Variants in STXBP5L observed in about 807,000 individuals in gnomAD.
The protein encoded by STXBP5L is syntaxin-binding protein 5-like.
STXBP5L carries 65 observed loss-of-function variants against 144.5 expected under a neutral mutation model. That is an observed-to-expected ratio of 0.45 (90% CI 0.37 to 0.55). The LOEUF is 0.55. Among genes scored for constraint, STXBP5L ranks in the 20% least tolerant of loss-of-function variants. The pLI, the probability that STXBP5L is intolerant of heterozygous loss-of-function variation, is 0.00. For synonymous variants in STXBP5L, 505 were observed against 469.6 expected, an observed-to-expected ratio of 1.08 and a Z score of -0.97; for missense variants, 1,298 against 1,405.5, an observed-to-expected ratio of 0.92 and a Z score of 1.22.
chr3:121,027,676 G>T (rs938188931), intron 3 of STXBP5L, among the ~76,000 whole-genome samples: 4 of 151,860 alleles, frequency 2.6e-5, no homozygotes, highest in African/African-American at 9.7e-5. Flanking sequence ...GACTCTTGTA[G>T]TTACGGTGAG....
rs2044166082 is a variant in STXBP5L, at chr3:121,114,923, A to C, written c.471-2A>C. The C allele has an allele frequency of 6.7e-7, 1 of 1,499,774 alleles. No individual in the cohort carries two copies. The highest frequency in any genetic ancestry group is 8.9e-7 in the Non-Finnish European group (1 of 1,126,360). The allele number at this position is 1,499,774 out of a possible 1,614,324, so 92.9% of individuals were successfully genotyped here. ...TTTTAATTATAATTTTCTTTCTTTC[A>C]GAATTACTTACTGTCATCTACCTTT... On this transcript the variant is annotated splice_acceptor_variant, in intron 5 of 26. Transcript: ENST00000471454. LOFTEE classifies it high-confidence loss of function.
chr3:121,051,062 C>T (rs1407063118), intron 5 of STXBP5L, among the ~76,000 whole-genome samples: 1 of 152,182 alleles, frequency 6.6e-6, no homozygotes, highest in Non-Finnish European at 1.5e-5. Context: ...GCACCCAATA[C>T]AGGAGCACCC....
chr3:120,960,893 A>G (rs1361319262), intron 3 of STXBP5L, among the ~76,000 whole-genome samples: 1 of 152,160 alleles, frequency 6.6e-6, no homozygotes, highest in Non-Finnish European at 1.5e-5. Flanking sequence ...CATGTACCCT[A>G]AAACTTAAAG....
At chr3:121,254,864 T>C in intron 15 of STXBP5L, 31 bp from the exon 16 acceptor site, 1 of 1,518,502 alleles carries the variant, frequency 6.6e-7, no homozygotes, top group Non-Finnish European at 8.9e-7. Context: ...AAGTTTAAAT[T>C]AGAAGATAAC....
intron 9 of STXBP5L, 35 bp downstream of exon 9, chr3:121,157,662 G>T (rs1202396699): frequency 1.3e-6 from 2 of 1,573,246 alleles, no homozygotes; most frequent in South Asian, 1.2e-5. Flanking sequence ...ATAAACACTG[G>T]CAATTCAGTG....
intron 10 of STXBP5L, among the ~76,000 whole-genome samples, chr3:121,213,845 G>T (rs1197739967): frequency 6.6e-6 from 1 of 151,994 alleles, no homozygotes; most frequent in Non-Finnish European, 1.5e-5. Flanking sequence ...TGTGGTCCTG[G>T]GCTTTTTTGG....
chr3:121,087,450 T>C (rs993384751), intron 5 of STXBP5L, among the ~76,000 whole-genome samples: 2 of 152,096 alleles, frequency 1.3e-5, no homozygotes, highest in Admixed American at 1.3e-4. Flanking sequence ...TCTCATAATT[T>C]CCTTTACTGT....
chr3:121,389,947 C>A (rs1436512310), intron 22 of STXBP5L, among the ~76,000 whole-genome samples: 1 of 152,080 alleles, frequency 6.6e-6, no homozygotes, highest in African/African-American at 2.4e-5. Context: ...TCCTTGTTAA[C>A]CTTCTGTCTC....
chr3:121,277,096 A>G (rs1410190829), intron 18 of STXBP5L, among the ~76,000 whole-genome samples: 1 of 152,052 alleles, frequency 6.6e-6, no homozygotes, highest in Non-Finnish European at 1.5e-5. Context: ...GGTAGCTTAT[A>G]AACAACAGAA....
At chr3:121,278,096 G>A (rs2050940475) in intron 18 of STXBP5L, among the ~76,000 whole-genome samples, 1 of 151,790 alleles carries the variant, frequency 6.6e-6, no homozygotes, top group Admixed American at 6.6e-5. Context: ...TCTCATCTCT[G>A]CCTCCTCAAC....
At chr3:120,950,661 A>C (rs1711160143) in intron 2 of STXBP5L, among the ~76,000 whole-genome samples, 2 of 152,196 alleles carry the variant, frequency 1.3e-5, no homozygotes, top group South Asian at 4.1e-4. Context: ...AAGAGGATAC[A>C]AACAAATGGA....
chr3:121,137,808 C>A (rs192347822), intron 7 of STXBP5L, among the ~76,000 whole-genome samples: 1 of 152,084 alleles, frequency 6.6e-6, no homozygotes, highest in Non-Finnish European at 1.5e-5. Context: ...ATTGACAAGA[C>A]CCACAGCTAA....
intron 10 of STXBP5L, among the ~76,000 whole-genome samples, chr3:121,214,431 G>A (rs1056675626): frequency 6.6e-6 from 1 of 152,074 alleles, no homozygotes; most frequent in African/African-American, 2.4e-5. Flanking sequence ...TGGTTTCAAG[G>A]AAATTATTTA....
At chr3:121,302,688 G>A (rs930490590) in intron 19 of STXBP5L, among the ~76,000 whole-genome samples, 2 of 152,118 alleles carry the variant, frequency 1.3e-5, no homozygotes, top group African/African-American at 4.8e-5. Context: ...CAGAGATATA[G>A]ACCAATGGAA....
chr3:121,096,866 A>C (rs2043156858), intron 5 of STXBP5L, among the ~76,000 whole-genome samples: 1 of 152,150 alleles, frequency 6.6e-6, no homozygotes, highest in African/African-American at 2.4e-5. Flanking sequence ...AGTATAGCTC[A>C]AACACTCTGC....
intron 2 of STXBP5L, among the ~76,000 whole-genome samples, chr3:120,946,874 C>T (rs16831988): frequency 0.099 from 15,067 of 151,600 alleles, 1,182 homozygotes; most frequent in Admixed American, 0.2. Context: ...ATTTTGTTTC[C>T]GGTAGTGCCT....
chr3:121,086,159 A>G (rs2042481130), intron 5 of STXBP5L, among the ~76,000 whole-genome samples: 1 of 152,142 alleles, frequency 6.6e-6, no homozygotes, highest in Non-Finnish European at 1.5e-5. Flanking sequence ...AGAAAAATTA[A>G]CCCAAGATGG....
chr3:121,016,670 AAG>A (rs1160485763), intron 3 of STXBP5L, among the ~76,000 whole-genome samples: 3 of 152,200 alleles, frequency 2.0e-5, no homozygotes, highest in Non-Finnish European at 4.4e-5. Context: ...AAGCAGAAGA[AAG>A]AGTGAGCAAA....
chr3:121,419,471 A>C lies in STXBP5L; in HGVS notation c.*374A>C, dbSNP rs2047313968. 1 of 161,680 alleles carries C rather than the reference A, an allele frequency of 6.2e-6. No individual in the cohort carries two copies. The highest frequency in any genetic ancestry group is 2.4e-5 in the African/African-American group (1 of 41,920). The allele number at this position is 161,680 out of a possible 1,614,324, so 10.0% of individuals were successfully genotyped here. The stretch of plus-strand genomic sequence containing the variant: ...TCTTTGCATGATAAATTAACATCTT[A>C]AGGGGAAAAGAAAAAAAAGCATGTT... On this transcript the variant is annotated 3_prime_UTR_variant, in exon 27 of 27. Transcript: ENST00000471454.
Sources: allele counts gnomAD v4.1 joint callset (sites outside exome capture counted in the v4.1 genomes callset), GRCh38; gene constraint gnomAD v4.1.1; transcripts MANE v1.5; gene names NCBI Gene and HGNC (gene_info 2026-07-23, HGNC 2026-07-21).